Variants in CACNA1E observed in about 807,000 individuals in gnomAD.
The protein encoded by CACNA1E is calcium voltage-gated channel subunit alpha1 E.
CACNA1E carries 40 observed loss-of-function variants against 259.2 expected under a neutral mutation model. The ratio of observed to expected loss-of-function variants is 0.15; its 90% CI spans 0.12 to 0.20. The LOEUF (loss-of-function observed/expected upper bound fraction) is 0.20, where lower values mean the gene tolerates loss of function less well. Among genes scored for constraint, CACNA1E ranks in the 10% least tolerant of loss-of-function variants. CACNA1E has a pLI of 1.00. For synonymous variants in CACNA1E, 1,104 were observed against 1,138.5 expected (o/e 0.97, Z 0.61); for missense variants, 1,874 against 3,040.1 (o/e 0.62, Z 9.02).
intron 25 of CACNA1E, among the ~76,000 whole-genome samples, chr1:181,749,525 A>G (rs1315868010): frequency 1.3e-5 from 2 of 152,172 alleles, no homozygotes; most frequent in Non-Finnish European, 2.9e-5. Flanking sequence ...GCTTGGGTTC[A>G]TGTCCCAGCT....
At chr1:181,566,084 CCATAAAG>C (rs1649798595) in intron 3 of CACNA1E, among the ~76,000 whole-genome samples, 1 of 152,214 alleles carries the variant, frequency 6.6e-6, no homozygotes, top group Non-Finnish European at 1.5e-5. Context: ...TCATAGGATA[CCATAAAG>C]CTCTGCAGAG....
At chr1:181,713,483 T>C (rs1195148547) in intron 8 of CACNA1E, among the ~76,000 whole-genome samples, 1 of 152,238 alleles carries the variant, frequency 6.6e-6, no homozygotes, top group Non-Finnish European at 1.5e-5. Context: ...CATTTATGAC[T>C]TTGTAATAAT....
intron 3 of CACNA1E, among the ~76,000 whole-genome samples, chr1:181,557,812 C>T (rs560304506): frequency 2.6e-4 from 39 of 152,274 alleles, no homozygotes; most frequent in African/African-American, 7.9e-4. Context: ...GGAAAGGACT[C>T]GGGTTATGTT....
chr1:181,746,307 G>A (rs1235360400), intron 25 of CACNA1E, among the ~76,000 whole-genome samples: 1 of 152,216 alleles, frequency 6.6e-6, no homozygotes, highest in East Asian at 1.9e-4. Flanking sequence ...AATTTTTAAA[G>A]TGCTTTCACA....
chr1:181,350,527 C>T (rs1652958512), intron 1 of CACNA1E, among the ~76,000 whole-genome samples: 1 of 152,180 alleles, frequency 6.6e-6, no homozygotes, highest in Non-Finnish European at 1.5e-5. Flanking sequence ...AATGGAACCT[C>T]ACAAGGACTC....
At chr1:181,743,181 G>A (rs1656739137) in intron 25 of CACNA1E, among the ~76,000 whole-genome samples, 1 of 152,198 alleles carries the variant, frequency 6.6e-6, no homozygotes, top group Non-Finnish European at 1.5e-5. Flanking sequence ...CGCTTTCTGG[G>A]CCACATGGAG....
At chr1:181,749,530 C>T (rs1028258194) in intron 25 of CACNA1E, among the ~76,000 whole-genome samples, 15 of 152,174 alleles carry the variant, frequency 9.9e-5, no homozygotes, top group African/African-American at 3.6e-4. Flanking sequence ...GGTTCATGTC[C>T]CAGCTCTGCC....
intron 26 of CACNA1E, 152 bp from the exon 27 acceptor site, chr1:181,751,991 G>C (rs911357563): frequency 9.9e-6 from 7 of 710,626 alleles, no homozygotes; most frequent in Non-Finnish European, 1.5e-5. Context: ...GGATGTCCCT[G>C]GAGTCAAATC....
chr1:181,681,587 C>G (rs1649976368), intron 7 of CACNA1E, among the ~76,000 whole-genome samples: 1 of 151,614 alleles, frequency 6.6e-6, no homozygotes, highest in African/African-American at 2.4e-5. Flanking sequence ...AAAAATAGAC[C>G]TAATCATGTT....
chr1:181,540,051 A>G (rs1449373968), intron 3 of CACNA1E, among the ~76,000 whole-genome samples: 5 of 152,120 alleles, frequency 3.3e-5, no homozygotes, highest in Admixed American at 1.3e-4. Flanking sequence ...AACACCTCCT[A>G]TTTGGGTGTG....
chr1:181,661,132 C>T (rs757185607), intron 7 of CACNA1E, among the ~76,000 whole-genome samples: 1 of 152,200 alleles, frequency 6.6e-6, no homozygotes, highest in Non-Finnish European at 1.5e-5. Flanking sequence ...CACAGAGGCA[C>T]AGGCAGAGGC....
At chr1:181,361,596 T>C (rs1029435432) in intron 1 of CACNA1E, among the ~76,000 whole-genome samples, 3 of 152,108 alleles carry the variant, frequency 2.0e-5, no homozygotes, top group Admixed American at 1.3e-4. Context: ...AGTCACCCCA[T>C]TGAGGCAGCT....
chr1:181,526,842 G>T (rs1667398157), intron 3 of CACNA1E, among the ~76,000 whole-genome samples: 1 of 152,158 alleles, frequency 6.6e-6, no homozygotes, highest in Admixed American at 6.6e-5. Context: ...GACTAAACTG[G>T]TATGATATAT....
intron 2 of CACNA1E, among the ~76,000 whole-genome samples, chr1:181,434,234 A>G (rs1319418206): frequency 1.3e-5 from 2 of 152,238 alleles, no homozygotes; most frequent in Non-Finnish European, 2.9e-5. Context: ...AGAGACATAT[A>G]AAGTGCTTAT....
chr1:181,380,122 A>T lies in CACNA1E; in HGVS notation c.-14-33011A>T, dbSNP rs192861120. 2.6e-5 allele frequency among the ~76,000 whole-genome samples: 4 copies of T among 151,260 alleles called. No homozygotes were observed. In the East Asian group the frequency reaches 7.7e-4, roughly 29 times the overall value. ...TAAGCCAATAATGGAAATAAAATAGAACAATACAAAATATTCAGTTTATCC... is the reference window on the plus strand; with the variant it reads ...TAAGCCAATAATGGAAATAAAATAGTACAATACAAAATATTCAGTTTATCC... On this transcript the variant is annotated intron_variant, in intron 1 of 11. Transcript: ENST00000524607.
At chr1:181,686,293 T>TTG (rs1650556097) in intron 7 of CACNA1E, among the ~76,000 whole-genome samples, 1 of 136,900 alleles carries the variant, frequency 7.3e-6, no homozygotes, top group Admixed American at 7.4e-5. Context: ...TTTTTTTTTT[T>TTG]TTTTTTTTTT....
chr1:181,332,638 G>T (rs1403351094), intron 1 of CACNA1E, among the ~76,000 whole-genome samples: 1 of 152,160 alleles, frequency 6.6e-6, no homozygotes, highest in East Asian at 1.9e-4. Context: ...CTAGTTTGGT[G>T]GGTGGGGAGC....
At chr1:181,474,385 C>T (rs984389408) in intron 2 of CACNA1E, among the ~76,000 whole-genome samples, 1 of 152,172 alleles carries the variant, frequency 6.6e-6, no homozygotes, top group Admixed American at 6.5e-5. Flanking sequence ...TTCCACCTTT[C>T]CAATTTGTAA....
chr1:181,547,587 T>C (rs1326290929), intron 3 of CACNA1E, among the ~76,000 whole-genome samples: 2 of 152,152 alleles, frequency 1.3e-5, no homozygotes, highest in Non-Finnish European at 2.9e-5. Context: ...GACCTCTCAC[T>C]CCTAGTCCAG....
Sources: allele counts gnomAD v4.1 joint callset (sites outside exome capture counted in the v4.1 genomes callset), GRCh38; gene constraint gnomAD v4.1.1; transcripts MANE v1.5; gene names NCBI Gene and HGNC (gene_info 2026-07-23, HGNC 2026-07-21).